The following MCTP2 variants were observed in gnomAD, a reference collection of about 807,000 sequenced individuals.
MCTP2 encodes the protein multiple C2 and transmembrane domain containing 2.
Under a neutral mutation model 111.6 loss-of-function variants are expected in MCTP2, and 132 were observed. The observed-to-expected ratio is 1.18, with a 90% CI of 1.03 to 1.37. The LOEUF (loss-of-function observed/expected upper bound fraction) is 1.37. MCTP2 is among the 40% of genes most tolerant of loss of function. The probability of loss-of-function intolerance (pLI) is 0.00; values close to 1 mark genes in which losing one functional copy is unlikely to be tolerated. For synonymous variants in MCTP2, 395 were observed against 387.7 expected (o/e 1.02, Z -0.22); for missense variants, 1,183 against 1,067.9 (o/e 1.11, Z -1.50).
At chr15:94,329,032 G>A (rs146794637) in intron 4 of MCTP2, among the ~76,000 whole-genome samples, 138 of 152,274 alleles carry the variant, frequency 9.1e-4, no homozygotes, top group African/African-American at 3.2e-3. Flanking sequence ...CAGGGCTCCA[G>A]GCACAAGGGT....
At chr15:94,323,749 CG>C (rs2076728024) in intron 4 of MCTP2, among the ~76,000 whole-genome samples, 1 of 152,176 alleles carries the variant, frequency 6.6e-6, no homozygotes, top group Non-Finnish European at 1.5e-5. Context: ...GTTAGCAATC[CG>C]CATAGGAAGA....
chr15:94,336,682 T>C (rs1394027072), intron 4 of MCTP2, among the ~76,000 whole-genome samples: 1 of 150,958 alleles, frequency 6.6e-6, no homozygotes, highest in Non-Finnish European at 1.5e-5. Flanking sequence ...TTAGCATATA[T>C]ATATATATAT....
chr15:94,416,107 A>G (rs763391233), intron 17 of MCTP2, among the ~76,000 whole-genome samples: 1 of 152,136 alleles, frequency 6.6e-6, no homozygotes, highest in Non-Finnish European at 1.5e-5. Flanking sequence ...TGCATCATTG[A>G]GAAGTAAGCA....
chr15:94,307,742 A>G (rs1388114552), intron 2 of MCTP2, among the ~76,000 whole-genome samples: 1 of 152,062 alleles, frequency 6.6e-6, no homozygotes, highest in Non-Finnish European at 1.5e-5. Context: ...TGGACAAAAG[A>G]TATGGAGAAA....
intron 7 of MCTP2, chr15:94,342,059 A>G (rs2077671590): frequency 6.6e-6 from 1 of 152,100 alleles, no homozygotes; most frequent in South Asian, 2.1e-4. Context: ...ATAGCATGCA[A>G]TGTAAATAGT....
In MCTP2 at chr15:94,353,666, C is replaced by T. The variant is rs551347063; in HGVS notation, c.1006-2471C>T. Among the ~76,000 whole-genome samples the T allele has an allele frequency of 5.9e-5, 9 of 152,066 alleles. No individual in the cohort carries two copies. The South Asian group carries it at 8.3e-4, about 14-fold the overall frequency. On this transcript the variant is annotated intron_variant, in intron 8 of 22. Coordinates refer to ENST00000357742, the MANE Select transcript of MCTP2 (RefSeq NM_001385001.1). ...AGTGTTTAGGGAGGAATATATCTGT[C>T]GGAACTTTGAAGCATGGCCGTGGGA...
At chr15:94,331,500 G>C (rs1170445372) in intron 4 of MCTP2, among the ~76,000 whole-genome samples, 1 of 152,126 alleles carries the variant, frequency 6.6e-6, no homozygotes, top group East Asian at 1.9e-4. Context: ...AGGAAGTTCA[G>C]GGGGGCTGTG....
In MCTP2 at chr15:94,300,379, G is replaced by A. The variant is rs375305452; in HGVS notation, c.465+1649G>A. Among the ~76,000 whole-genome samples, 38 of 151,790 alleles carry A rather than the reference G, an allele frequency of 2.5e-4. No individual in the cohort carries two copies. The East Asian group carries it at 2.5e-3, about 10-fold the overall frequency. On this transcript the variant is annotated intron_variant, in intron 2 of 22. Coordinates refer to ENST00000357742, the MANE Select transcript of MCTP2 (RefSeq NM_001385001.1). ...AAAAAAATTAGCCGGGCGTGGTGGC[G>A]GGCACCTGTAGTCCCAGCTACTTGG...
At chr15:94,421,094 ATTT>A (rs776113477) in intron 17 of MCTP2, among the ~76,000 whole-genome samples, 1 of 143,064 alleles carries the variant, frequency 7.0e-6, no homozygotes, top group Non-Finnish European at 1.5e-5. Context: ...GGATGATAGT[ATTT>A]TTTTTTTTTT....
intron 20 of MCTP2, among the ~76,000 whole-genome samples, chr15:94,468,226 G>A (rs1404329161): frequency 6.6e-6 from 1 of 151,346 alleles, no homozygotes; most frequent in East Asian, 1.9e-4. Context: ...ACTATTTTGA[G>A]TTTTTACAAT....
intron 4 of MCTP2, among the ~76,000 whole-genome samples, chr15:94,331,765 G>A (rs994277029): frequency 2.6e-5 from 4 of 152,104 alleles, no homozygotes; most frequent in African/African-American, 4.8e-5. Flanking sequence ...GACCTTGCCC[G>A]AGGAGCCAAT....
intron 8 of MCTP2, among the ~76,000 whole-genome samples, chr15:94,355,029 T>G (rs16948999): frequency 1.3e-5 from 2 of 152,062 alleles, no homozygotes; most frequent in African/African-American, 4.8e-5. Flanking sequence ...TTTCACTTAC[T>G]GAACGGACAA....
chr15:94,459,359 T>C (rs1056145936), intron 20 of MCTP2, among the ~76,000 whole-genome samples: 8 of 152,180 alleles, frequency 5.3e-5, no homozygotes, highest in Middle Eastern at 3.2e-3. Flanking sequence ...GAAATATAAG[T>C]AGTTAACATG....
chr15:94,479,386 T>C lies in MCTP2; in HGVS notation c.*352T>C, dbSNP rs756561298. On this transcript the variant is annotated 3_prime_UTR_variant, in exon 23 of 23. Coordinates refer to ENST00000357742, the MANE Select transcript of MCTP2 (RefSeq NM_001385001.1). ...CTTGGATTCAAGAGTGACTTTGAAC[T>C]TGTTTTCACACCTCCAACAGACTCT... 12 of 295,510 alleles carry C rather than the reference T, an allele frequency of 4.1e-5. No individual in the cohort carries two copies. The highest frequency in any genetic ancestry group is 6.5e-5 in the Non-Finnish European group (10 of 154,936). 18.3% of individuals were successfully genotyped at this position (295,510 alleles called of 1,614,324 possible). A position where few individuals can be genotyped will look rare whatever the true frequency, so the allele number is the denominator to read the frequency against.
At chr15:94,432,162 G>C (rs1457356946) in intron 17 of MCTP2, among the ~76,000 whole-genome samples, 1 of 152,168 alleles carries the variant, frequency 6.6e-6, no homozygotes, top group Non-Finnish European at 1.5e-5. Flanking sequence ...TAACCCAGGA[G>C]TTTAGTAAGG....
chr15:94,287,589 G>A (rs1008639530), intron 1 of MCTP2, among the ~76,000 whole-genome samples: 12 of 152,206 alleles, frequency 7.9e-5, no homozygotes, highest in African/African-American at 2.9e-4. Flanking sequence ...TTCTGAATAA[G>A]TTAGAATAAA....
chr15:94,348,102 A>G (rs1402212732), intron 8 of MCTP2, among the ~76,000 whole-genome samples: 1 of 152,150 alleles, frequency 6.6e-6, no homozygotes, highest in Non-Finnish European at 1.5e-5. Context: ...GTCTAAAGTA[A>G]GAAACATGAC....
intron 14 of MCTP2, among the ~76,000 whole-genome samples, chr15:94,389,603 T>A (rs2080750329): frequency 6.6e-6 from 1 of 151,616 alleles, no homozygotes; most frequent in South Asian, 2.1e-4. Flanking sequence ...TCTCTGTTTT[T>A]TTGTTTTGTT....
At chr15:94,326,801 CAG>C (rs2076894768) in intron 4 of MCTP2, among the ~76,000 whole-genome samples, 1 of 109,212 alleles carries the variant, frequency 9.2e-6, no homozygotes, top group Non-Finnish European at 2.0e-5. Context: ...CTCTTGACCT[CAG>C]GTGATCCCCG....
Sources: gnomAD v4.1 joint callset for allele counts (sites outside exome capture counted in the v4.1 genomes callset) on GRCh38, gnomAD v4.1.1 for gene constraint, MANE v1.5 for transcripts, NCBI Gene and HGNC (gene_info 2026-07-23, HGNC 2026-07-21) for gene names.